ZNF560: variants seen among roughly 807,000 people sequenced by gnomAD.
ZNF560 encodes the protein zinc finger protein 560.
Under a neutral mutation model 81.8 loss-of-function variants are expected in ZNF560, and 54 were observed. The observed-to-expected ratio is 0.66, with a 90% CI of 0.53 to 0.83. The LOEUF is 0.83. Among genes scored for constraint, ZNF560 ranks in the 40% least tolerant of loss-of-function variants. The pLI is 0.00. For missense variants in ZNF560, 940 were observed against 932.4 expected (o/e 1.01, Z -0.11); for synonymous variants, 321 against 317.9 (o/e 1.01, Z -0.10).
chr19:9,459,354 T>G, the ZNF560 span, among the ~76,000 whole-genome samples: 1 of 152,016 alleles, frequency 6.6e-6, no homozygotes, highest in Non-Finnish European at 1.5e-5. Flanking sequence ...ATGGGTTTGG[T>G]GGAAAGGACC....
upstream of ZNF560, among the ~76,000 whole-genome samples, chr19:9,500,170 G>A (rs1424663761): frequency 1.3e-5 from 2 of 152,018 alleles, no homozygotes; most frequent in Non-Finnish European, 2.9e-5. Context: ...GATCACCTGA[G>A]GTCAGGAGTT....
the ZNF560 span, among the ~76,000 whole-genome samples, chr19:9,447,626 G>A: frequency 0.53 from 79,861 of 151,590 alleles, 21,339 homozygotes; most frequent in Non-Finnish European, 0.55. Flanking sequence ...GAATTTCAGA[G>A]CTTGAAGACT....
chr19:9,447,413 TGGA>T, the ZNF560 span, among the ~76,000 whole-genome samples: 1 of 151,968 alleles, frequency 6.6e-6, no homozygotes. Flanking sequence ...AGATGACAGG[TGGA>T]GAATTCAAAG....
intron 5 of ZNF560, among the ~76,000 whole-genome samples, chr19:9,472,481 CTTGA>C (rs947696691): frequency 6.6e-6 from 1 of 152,174 alleles, no homozygotes; most frequent in African/African-American, 2.4e-5. Flanking sequence ...AGCGGCAGCA[CTTGA>C]TTCTCATAAA....
intron 2 of ZNF560, among the ~76,000 whole-genome samples, chr19:9,480,677 C>G (rs966824362): frequency 2.0e-5 from 3 of 151,340 alleles, no homozygotes; most frequent in Non-Finnish European, 2.9e-5. Flanking sequence ...CAGTGGTTCA[C>G]AACTGTAATT....
Position 9,468,057 on chromosome 19 carries a change from T to C in ZNF560, c.890A>G (p.Tyr297Cys), listed in dbSNP as rs780298417. 3.7e-6 allele frequency: 6 copies of C among 1,614,210 alleles called. No homozygotes were observed. In the South Asian group the frequency reaches 4.4e-5, roughly 12 times the overall value. Residue 297 changes from tyrosine (Y) to cysteine (C), a missense_variant, in exon 10 of 10, where the codon TAT (tyrosine) becomes TGT (cysteine). Physicochemically the swap from Tyr to Cys is radical, Grantham distance 194. Coordinates refer to ENST00000301480, the MANE Select transcript of ZNF560 (RefSeq NM_152476.3). Reference sequence around the variant, plus strand: ...TGACTGATAAATGAAGGCTTTCCCATAGTCAGTGCCTTCAAAGGATTTATC... The same window carrying C: ...TGACTGATAAATGAAGGCTTTCCCACAGTCAGTGCCTTCAAAGGATTTATC... ...TQDKSFEGTD[Y>C]GKAFIYQSYL...
chr19:9,473,192 T>G lies in ZNF560; in HGVS notation c.225A>C (p.Gln75His), dbSNP rs750637118. The G allele has an allele frequency of 6.2e-7, 1 of 1,613,988 alleles. No individual in the cohort carries two copies. Among genetic ancestry groups the G allele is most frequent in the Non-Finnish European group, 8.5e-7 (1 of 1,179,872 alleles). Residue 75 changes from glutamine to histidine, a missense_variant, in exon 5 of 10, where the codon CAA becomes CAC. Physicochemically the swap from Gln to His is conservative, Grantham distance 24. Transcript: ENST00000301480. ...LEEEELRTLQ[Q>H]GVLQDWAIKH... ...ACAAATACTCACCTTGGAGAACTCC[T>G]TGCTGCAAGGTTCTCAACTCTTCTT...
At position 9,471,333 on chromosome 19, in the gene ZNF560, T is replaced by C; in HGVS notation, c.284A>G (p.Glu95Gly). 7.5e-6 allele frequency: 12 copies of C among 1,601,156 alleles called. No homozygotes were observed. The highest frequency in any genetic ancestry group is 1.0e-5 in the Non-Finnish European group (12 of 1,174,996). The change falls in exon 6 of 10, where the codon GAG becomes GGG. Residue 95 changes from glutamate (E) to glycine (G), a missense_variant. By Grantham distance (98) the Glu-to-Gly change is moderately conservative. Transcript: ENST00000301480. Reference sequence around the variant, plus strand: ...ATTAGAAGTTTGTATTTTCCAAAACTCCTGCTGCAGTGCTGAAACACTGGT... The same window carrying C: ...ATTAGAAGTTTGTATTTTCCAAAACCCCTGCTGCAGTGCTGAAACACTGGT... ...HQTSVSALQQEFWKIQTSNGI... is the reference protein window; with the variant it reads ...HQTSVSALQQGFWKIQTSNGI...
At chr19:9,465,886 C>T (rs1024697736), downstream of ZNF560, among the ~76,000 whole-genome samples, 3 of 152,036 alleles carry the variant, frequency 2.0e-5, no homozygotes, top group African/African-American at 7.2e-5. Flanking sequence ...CCCAGCTACT[C>T]GGGAGGCTGA....
At position 9,466,386 on chromosome 19, in the gene ZNF560, T is replaced by C; in HGVS notation, c.*188A>G. Reference sequence around the variant, plus strand: ...AGAGAAGAACTAGTGTTTTCCTACATCCCTTACATTTACAGGGTTTCTCTA... The same window carrying C: ...AGAGAAGAACTAGTGTTTTCCTACACCCCTTACATTTACAGGGTTTCTCTA... On this transcript the variant is annotated 3_prime_UTR_variant, in exon 10 of 10. Coordinates refer to ENST00000301480, the MANE Select transcript of ZNF560 (RefSeq NM_152476.3). The C allele has an allele frequency of 1.9e-6, 1 of 529,982 alleles. No homozygotes were observed. The highest frequency in any genetic ancestry group is 3.3e-6 in the Non-Finnish European group (1 of 307,120). 32.8% of individuals were successfully genotyped at this position (529,982 alleles called of 1,614,324 possible). A position where few individuals can be genotyped will look rare whatever the true frequency, so the allele number is the denominator to read the frequency against.
At chr19:9,452,100 G>A in the ZNF560 span, among the ~76,000 whole-genome samples, 34 of 151,926 alleles carry the variant, frequency 2.2e-4, no homozygotes, top group African/African-American at 8.2e-4. Flanking sequence ...GTGGGGGGCA[G>A]GGCAAAAGAA....
At chr19:9,468,663 C>T (rs1599649937) in intron 9 of ZNF560, among the ~76,000 whole-genome samples, 1 of 151,700 alleles carries the variant, frequency 6.6e-6, no homozygotes. Context: ...CCAGATATTT[C>T]TCCCCTTGGG....
At chr19:9,471,221 G>T in intron 6 of ZNF560, 75 bp downstream of exon 6, 1 of 1,099,872 alleles carries the variant, frequency 9.1e-7, no homozygotes, top group Admixed American at 2.4e-5. Context: ...ATTATCTTTT[G>T]TGCTTATTTT....
In ZNF560 at chr19:9,471,416, T is replaced by A. The variant is rs28393052; in HGVS notation, c.239-38A>T. 0.095 allele frequency: 121,761 copies of A among 1,275,454 alleles called. 5,192 individuals are homozygous for A. The highest frequency in any genetic ancestry group is 0.32 in the African/African-American group (20,020 of 63,552). 79.0% of individuals were successfully genotyped at this position (1,275,454 alleles called of 1,614,324 possible). The stretch of plus-strand genomic sequence containing the variant: ...CATAAACTGAGGTTTTTTTTTTTTT[T>A]AAAAAAAAAGGTAAAATGAAAGAGT... On this transcript the variant is annotated intron_variant, in intron 5 of 9. Transcript: ENST00000301480.
chr19:9,473,943 A>T (rs538161285), intron 4 of ZNF560, among the ~76,000 whole-genome samples: 1 of 152,248 alleles, frequency 6.6e-6, no homozygotes, highest in Non-Finnish European at 1.5e-5. Context: ...GTTAACACAC[A>T]GATGACAATC....
At chr19:9,457,188 C>T in the ZNF560 span, among the ~76,000 whole-genome samples, 1 of 152,180 alleles carries the variant, frequency 6.6e-6, no homozygotes, top group African/African-American at 2.4e-5. Context: ...TAAGACAAAA[C>T]CAGGTAAATG....
downstream of ZNF560, among the ~76,000 whole-genome samples, chr19:9,463,448 A>G (rs2072965850): frequency 6.6e-6 from 1 of 152,166 alleles, no homozygotes; most frequent in Non-Finnish European, 1.5e-5. Flanking sequence ...TTCAGGAATA[A>G]CCTATAGGTT....
chr19:9,496,300 C>T (rs1451824518), intron 2 of ZNF560, among the ~76,000 whole-genome samples: 4 of 151,496 alleles, frequency 2.6e-5, no homozygotes, highest in African/African-American at 9.7e-5. Context: ...GAGCTAGGAT[C>T]GTGACACTGC....
intron 8 of ZNF560, 95 bp downstream of exon 8, chr19:9,469,535 C>T (rs1263908340): frequency 9.0e-7 from 1 of 1,110,590 alleles, no homozygotes; most frequent in Non-Finnish European, 1.4e-6. Context: ...AGTGGACAGC[C>T]TTCTGATTCA....
Sources: gnomAD v4.1 joint callset for allele counts (sites outside exome capture counted in the v4.1 genomes callset) on GRCh38, gnomAD v4.1.1 for gene constraint, MANE v1.5 for transcripts, NCBI Gene and HGNC (gene_info 2026-07-23, HGNC 2026-07-21) for gene names.